WDR64: variants seen among roughly 807,000 people sequenced by gnomAD.
WDR64 encodes the protein WD repeat domain 64.
Under a neutral mutation model 139.3 loss-of-function variants are expected in WDR64, and 112 were observed. The observed-to-expected ratio is 0.80, with a 90% CI of 0.69 to 0.94. The LOEUF (loss-of-function observed/expected upper bound fraction) is 0.94. Ranked by LOEUF, WDR64 falls within the 40% of genes least tolerant of loss-of-function variation. WDR64 has a pLI of 0.00. For synonymous variants in WDR64, 444 were observed against 437.7 expected, an observed-to-expected ratio of 1.01 and a Z score of -0.18; for missense variants, 1,206 against 1,293.1, an observed-to-expected ratio of 0.93 and a Z score of 1.03.
In WDR64 at chr1:241,754,202, T is replaced by C. The variant is rs1574070681; in HGVS notation, c.1771-3081T>C. Among the ~76,000 whole-genome samples, 3 of 152,250 alleles carry C rather than the reference T, an allele frequency of 2.0e-5. No homozygotes were observed. The South Asian group carries it at 6.2e-4, about 32-fold the overall frequency. On this transcript the variant is annotated intron_variant, in intron 14 of 27. Coordinates refer to ENST00000437684, the MANE Select transcript of WDR64 (RefSeq NM_001367482.1). ...ATGTTTAAAAATTAGTTTTATTGTT[T>C]TTTAAATTTTTTTAATAGTGGTAAA...
chr1:241,687,196 C>T (rs6429292), intron 7 of WDR64, among the ~76,000 whole-genome samples: 69,073 of 151,198 alleles, frequency 0.46, 16,623 homozygotes, highest in East Asian at 0.6. Context: ...CCCAGTTACT[C>T]GGGAGGCTGA....
intron 8 of WDR64, among the ~76,000 whole-genome samples, chr1:241,701,274 G>A (rs552559587): frequency 1.8e-4 from 27 of 146,322 alleles, no homozygotes; most frequent in African/African-American, 4.5e-4. Context: ...GCGTGCACAT[G>A]CGCGCACACA....
In WDR64 at chr1:241,652,333, C is replaced by T. The variant is rs1665392122; in HGVS notation, c.-152C>T. On this transcript the variant is annotated 5_prime_UTR_variant, in exon 1 of 28. Transcript: ENST00000437684. ...AACATCCTAGTGGCAACTCTTACTCCTACCCGCACTATGGGATTTTAAGAT... is the reference window on the plus strand; with the variant it reads ...AACATCCTAGTGGCAACTCTTACTCTTACCCGCACTATGGGATTTTAAGAT... 4.1e-6 allele frequency: 3 copies of T among 731,050 alleles called. No individual in the cohort carries two copies. The Admixed American group carries it at 9.0e-5, about 22-fold the overall frequency. The allele number at this position is 731,050 out of a possible 1,614,324, so 45.3% of individuals were successfully genotyped here. A position where few individuals can be genotyped will look rare whatever the true frequency, so the allele number is the denominator to read the frequency against.
In WDR64 at chr1:241,699,022, C is replaced by T. The variant is rs190775130; in HGVS notation, c.974+11427C>T. On this transcript the variant is annotated intron_variant, in intron 8 of 27. Coordinates refer to ENST00000437684, the MANE Select transcript of WDR64 (RefSeq NM_001367482.1). The stretch of plus-strand genomic sequence containing the variant: ...ACTGAGGGAAAAGGCCTTTATGAAA[C>T]CATCAAATCTCATGAGAACTCATGC... Among the ~76,000 whole-genome samples the T allele has an allele frequency of 7.4e-4, 113 of 152,212 alleles. 1 individual carries two copies. Among genetic ancestry groups the T allele is most frequent in the African/African-American group, 2.6e-3 (107 of 41,522 alleles).
chr1:241,678,246 G>C (rs1015708179), intron 5 of WDR64, 30 bp downstream of exon 5: 18 of 398,718 alleles, frequency 4.5e-5, no homozygotes, highest in Non-Finnish European at 7.5e-5. Context: ...TCCTAATTAA[G>C]TCAAAGTTAG....
At chr1:241,712,931 C>T (rs1668230968) in intron 9 of WDR64, among the ~76,000 whole-genome samples, 1 of 151,266 alleles carries the variant, frequency 6.6e-6, no homozygotes, top group Admixed American at 6.6e-5. Context: ...TGTCTCAAAA[C>T]AACAACAACA....
At chr1:241,755,083 C>T (rs1352263731) in intron 14 of WDR64, among the ~76,000 whole-genome samples, 1 of 152,146 alleles carries the variant, frequency 6.6e-6, no homozygotes, top group Admixed American at 6.6e-5. Context: ...TGGGTATATA[C>T]CAAGTAATAG....
At chr1:241,695,803 T>C (rs1265821933) in intron 8 of WDR64, among the ~76,000 whole-genome samples, 1 of 152,050 alleles carries the variant, frequency 6.6e-6, no homozygotes, top group Non-Finnish European at 1.5e-5. Flanking sequence ...ATGCTAAGAT[T>C]ATAAAATAGA....
chr1:241,694,488 ATAAT>A (rs935928679), intron 8 of WDR64, among the ~76,000 whole-genome samples: 16 of 152,208 alleles, frequency 1.1e-4, no homozygotes, highest in African/African-American at 3.6e-4. Context: ...TTTCTGTAAT[ATAAT>A]TAACTGCTAG....
rs565707145 is a variant in WDR64, at chr1:241,731,078, C to A, written c.1195-7285C>A. 2.0e-5 allele frequency among the ~76,000 whole-genome samples: 3 copies of A among 152,152 alleles called. No individual in the cohort carries two copies. The South Asian group carries it at 6.2e-4, about 32-fold the overall frequency. On this transcript the variant is annotated intron_variant, in intron 10 of 27. Transcript: ENST00000437684. Reference sequence around the variant, plus strand: ...TATATTGCTTTACAAAGCCAGTGTACTTTACAAAAATATATGTGCAAAGAG... The same window carrying A: ...TATATTGCTTTACAAAGCCAGTGTAATTTACAAAAATATATGTGCAAAGAG...
intron 10 of WDR64, 29 bp downstream of exon 10, chr1:241,723,465 C>T (rs763645366): frequency 1.2e-6 from 2 of 1,606,302 alleles, no homozygotes; most frequent in South Asian, 2.2e-5. Flanking sequence ...CAAAACAAAA[C>T]TAGTTTTTTC....
intron 2 of WDR64, 99 bp from the exon 3 acceptor site, chr1:241,670,975 A>G (rs1051580165): frequency 2.4e-6 from 2 of 841,984 alleles, no homozygotes; most frequent in African/African-American, 1.7e-5. Context: ...GCTGGCTGTT[A>G]ATCCTAACTA....
chr1:241,660,071 A>G (rs1665764308), intron 1 of WDR64, among the ~76,000 whole-genome samples: 1 of 152,084 alleles, frequency 6.6e-6, no homozygotes, highest in Admixed American at 6.6e-5. Flanking sequence ...ATCCATCCTG[A>G]GTTGATTTTT....
chr1:241,737,972 C>T (rs925271488), intron 10 of WDR64, among the ~76,000 whole-genome samples: 13 of 152,100 alleles, frequency 8.5e-5, no homozygotes, highest in African/African-American at 1.7e-4. Flanking sequence ...AAAGCTTCCA[C>T]GTAAAATATG....
intron 9 of WDR64, among the ~76,000 whole-genome samples, chr1:241,712,174 G>A (rs543589067): frequency 6.6e-6 from 1 of 152,146 alleles, no homozygotes; most frequent in African/African-American, 2.4e-5. Flanking sequence ...TTATGTGTGA[G>A]AGCATGAGTT....
chr1:241,786,355 C>G (rs1461162719), intron 23 of WDR64, among the ~76,000 whole-genome samples: 1 of 152,176 alleles, frequency 6.6e-6, no homozygotes, highest in East Asian at 1.9e-4. Flanking sequence ...TGATTGCCAT[C>G]ATTTGCCACT....
chr1:241,799,298 G>C lies in WDR64; in HGVS notation c.3193-1834G>C, dbSNP rs1348452115. On this transcript the variant is annotated intron_variant, in intron 27 of 27. Transcript: ENST00000437684. ...TGGGAGAGGTGGGAGGATCGCTTGA[G>C]CCTGGAAAGTGGACGTTGCAGTGAG... Among the ~76,000 whole-genome samples the C allele has an allele frequency of 4.0e-5, 6 of 150,258 alleles. No individual in the cohort carries two copies. The East Asian group carries it at 7.8e-4, about 20-fold the overall frequency.
At chr1:241,669,960 T>C (rs1424658801) in intron 2 of WDR64, among the ~76,000 whole-genome samples, 1 of 152,216 alleles carries the variant, frequency 6.6e-6, no homozygotes, top group Non-Finnish European at 1.5e-5. Context: ...GGGTGGCTAG[T>C]ATGCACAGTG....
intron 9 of WDR64, among the ~76,000 whole-genome samples, chr1:241,720,515 A>C (rs1413631369): frequency 6.6e-6 from 1 of 152,172 alleles, no homozygotes; most frequent in Non-Finnish European, 1.5e-5. Flanking sequence ...ATGAGATGGT[A>C]TCTCATTGTG....
Sources: gnomAD v4.1 joint callset for allele counts (sites outside exome capture counted in the v4.1 genomes callset) on GRCh38, gnomAD v4.1.1 for gene constraint, MANE v1.5 for transcripts, NCBI Gene and HGNC (gene_info 2026-07-23, HGNC 2026-07-21) for gene names.